NRG3: variants seen among roughly 807,000 people sequenced by gnomAD.
The protein encoded by NRG3 is neuregulin 3.
In NRG3, 31 loss-of-function variants were observed where a neutral mutation model predicts 66.9. The ratio of observed to expected loss-of-function variants is 0.46; its 90% CI spans 0.35 to 0.63. The LOEUF (loss-of-function observed/expected upper bound fraction) is 0.63. NRG3 is among the 20% of genes least tolerant of loss of function. The probability of loss-of-function intolerance (pLI) is 0.00; values close to 1 mark genes in which losing one functional copy is unlikely to be tolerated. For missense variants in NRG3, 910 were observed against 878.9 expected, an observed-to-expected ratio of 1.04 and a Z score of -0.45; for synonymous variants, 393 against 359.4, an observed-to-expected ratio of 1.09 and a Z score of -1.06.
At chr10:82,951,711 T>G in intron 5 of NRG3, 140 bp downstream of exon 5, 4 of 669,998 alleles carry the variant, frequency 6.0e-6, no homozygotes, top group Non-Finnish European at 1.0e-5. Flanking sequence ...ACTTAGGACA[T>G]TTTTGTAAAT....
Position 82,872,730 on chromosome 10 carries a change from A to G in NRG3, c.1054+7293A>G, listed in dbSNP as rs192223005. Among the ~76,000 whole-genome samples the G allele has an allele frequency of 1.5e-4, 22 of 145,504 alleles. No homozygotes were observed. The East Asian group carries it at 2.5e-3, about 17-fold the overall frequency. On this transcript the variant is annotated intron_variant, in intron 4 of 8. Transcript: ENST00000372141. ...AAAAAAAGTTTAGGCAAGATACGAT[A>G]TGAAAAAAAAAAAGAAAGCAATTGA...
chr10:82,516,048 G>A (rs148955668), intron 2 of NRG3, among the ~76,000 whole-genome samples: 201 of 152,232 alleles, frequency 1.3e-3, no homozygotes, highest in African/African-American at 4.7e-3. Flanking sequence ...ATAAGCAATT[G>A]TCTCAGAACT....
At position 82,744,878 on chromosome 10, in the gene NRG3, T is replaced by C. The variant is rs189315282; in HGVS notation, c.1027+6228T>C. ...GTCATGCTTGGGACATTGTGAGAGC[T>C]CAATAAATATTATCTATTATCATCA... On this transcript the variant is annotated intron_variant, in intron 3 of 8. Coordinates refer to ENST00000372141, the MANE Select transcript of NRG3 (RefSeq NM_001010848.4). 4.2e-3 allele frequency among the ~76,000 whole-genome samples: 636 copies of C among 152,266 alleles called. 9 individuals are homozygous for C. Among genetic ancestry groups the C allele is most frequent in the African/African-American group, 0.014 (582 of 41,556 alleles).
rs111278566 is a variant in NRG3, at chr10:81,942,875, G to C, written c.823+66712G>C. On this transcript the variant is annotated intron_variant, in intron 1 of 8. Coordinates refer to ENST00000372141, the MANE Select transcript of NRG3 (RefSeq NM_001010848.4). ...AAATGTACAAGTGATTCTTTGATTAGTCTTTTGAGGATTAATAACGAAAGA... is the reference window on the plus strand; with the variant it reads ...AAATGTACAAGTGATTCTTTGATTACTCTTTTGAGGATTAATAACGAAAGA... 6.2e-3 allele frequency among the ~76,000 whole-genome samples: 943 copies of C among 152,234 alleles called. 7 individuals are homozygous for C. The highest frequency in any genetic ancestry group is 0.037 in the Middle Eastern group (11 of 294).
chr10:82,607,900 T>C (rs2048065181), intron 2 of NRG3, among the ~76,000 whole-genome samples: 1 of 152,168 alleles, frequency 6.6e-6, no homozygotes. Flanking sequence ...CTTATAACAT[T>C]ATGTTCATTC....
intron 1 of NRG3, among the ~76,000 whole-genome samples, chr10:82,301,098 A>G (rs2080377178): frequency 1.3e-5 from 2 of 152,244 alleles, no homozygotes; most frequent in South Asian, 2.1e-4. Flanking sequence ...TATTTCATCA[A>G]TATGTAATAT....
intron 2 of NRG3, among the ~76,000 whole-genome samples, chr10:82,503,208 G>A (rs191714853): frequency 6.6e-6 from 1 of 152,262 alleles, no homozygotes; most frequent in Admixed American, 6.5e-5. Context: ...TACAAGCTGT[G>A]TAAATATTTC....
intron 2 of NRG3, among the ~76,000 whole-genome samples, chr10:82,470,543 C>G (rs747734019): frequency 1.2e-4 from 18 of 152,142 alleles, no homozygotes; most frequent in Non-Finnish European, 2.9e-5. Flanking sequence ...GATTCTGCAC[C>G]CTCACAATAG....
chr10:82,826,135 C>T (rs2062194841), intron 3 of NRG3, among the ~76,000 whole-genome samples: 1 of 151,970 alleles, frequency 6.6e-6, no homozygotes, highest in Non-Finnish European at 1.5e-5. Flanking sequence ...CTGTTTTAAG[C>T]TTTGTCAAGC....
chr10:82,399,988 C>A (rs1302659104), intron 2 of NRG3, among the ~76,000 whole-genome samples: 1 of 152,124 alleles, frequency 6.6e-6, no homozygotes, highest in Non-Finnish European at 1.5e-5. Context: ...TCTCTGAAAG[C>A]CTTCAAATTG....
chr10:82,275,999 A>G (rs2134375206), intron 1 of NRG3, among the ~76,000 whole-genome samples: 1 of 152,158 alleles, frequency 6.6e-6, no homozygotes, highest in Middle Eastern at 3.4e-3. Flanking sequence ...GAAGGAGATA[A>G]AATAGTCCTT....
chr10:82,957,032 C>A (rs948724579), intron 5 of NRG3, among the ~76,000 whole-genome samples: 1 of 152,020 alleles, frequency 6.6e-6, no homozygotes, highest in Non-Finnish European at 1.5e-5. Flanking sequence ...CCAAAGCTTG[C>A]AGCAAGTGCT....
At position 82,725,935 on chromosome 10, in the gene NRG3, A is replaced by G. The variant is rs545450642; in HGVS notation, c.954-12642A>G. Among the ~76,000 whole-genome samples, 7 of 152,230 alleles carry G rather than the reference A, an allele frequency of 4.6e-5. No homozygotes were observed. The South Asian group carries it at 1.2e-3, about 27-fold the overall frequency. On this transcript the variant is annotated intron_variant, in intron 2 of 8. Coordinates refer to ENST00000372141, the MANE Select transcript of NRG3 (RefSeq NM_001010848.4). ...TCACACGGTGAAGCCCTAACTCCCA[A>G]TGAGACTGTATTTGGAGATAGGATC... is the stretch of plus-strand genomic sequence containing the variant.
intron 2 of NRG3, among the ~76,000 whole-genome samples, chr10:82,535,837 C>T (rs752997323): frequency 2.0e-5 from 3 of 151,748 alleles, no homozygotes; most frequent in Non-Finnish European, 2.9e-5. Context: ...ATGGGCTCTG[C>T]GTCTCTTTGC....
chr10:82,807,207 CAAATGTTATAAAAGTG>C (rs2061326450), intron 3 of NRG3, among the ~76,000 whole-genome samples: 1 of 152,102 alleles, frequency 6.6e-6, no homozygotes, highest in Non-Finnish European at 1.5e-5. Flanking sequence ...CATAAAAAGA[CAAATGTTATAAAAGTG>C]AAATGATATC....
chr10:82,796,200 A>G (rs778105860), intron 3 of NRG3, among the ~76,000 whole-genome samples: 8 of 152,278 alleles, frequency 5.3e-5, no homozygotes, highest in African/African-American at 1.9e-4. Flanking sequence ...TGAAGTATCA[A>G]TTTTACTCAG....
rs35072007 is a variant in NRG3, at chr10:82,294,434, AGTGTGTGTGT to A, written c.824-64284_824-64275del. Among the ~76,000 whole-genome samples, 217 of 149,174 alleles carry A rather than the reference AGTGTGTGTGT, an allele frequency of 1.5e-3. 1 individual carries two copies. The highest frequency in any genetic ancestry group is 3.2e-3 in the African/African-American group (132 of 40,864). ...TAATAAACACATATTCTACTGATGA[AGTGTGTGTGT>A]GTGTGTGTGTGTGTGTGTGTATGTG... On this transcript the variant is annotated intron_variant, in intron 1 of 8. Coordinates refer to ENST00000372141, the MANE Select transcript of NRG3 (RefSeq NM_001010848.4).
At chr10:82,837,231 G>A (rs1591673998) in intron 3 of NRG3, among the ~76,000 whole-genome samples, 1 of 152,116 alleles carries the variant, frequency 6.6e-6, no homozygotes, top group East Asian at 1.9e-4. Context: ...ATAGCAGCAT[G>A]ATTTATAATC....
intron 2 of NRG3, among the ~76,000 whole-genome samples, chr10:82,712,669 C>G (rs1275713027): frequency 6.6e-6 from 1 of 152,072 alleles, no homozygotes; most frequent in Admixed American, 6.6e-5. Context: ...AGATGCTGGT[C>G]AGGGCAGGGC....
Sources: allele counts gnomAD v4.1 joint callset (sites outside exome capture counted in the v4.1 genomes callset), GRCh38; gene constraint gnomAD v4.1.1; transcripts MANE v1.5; gene names NCBI Gene and HGNC (gene_info 2026-07-23, HGNC 2026-07-21).